Variants in ADGRL2 observed in about 807,000 individuals in gnomAD.
The protein encoded by ADGRL2 is calcium-independent alpha-latrotoxin receptor 2.
In ADGRL2, 44 loss-of-function variants were observed where a neutral mutation model predicts 157.4. The observed-to-expected ratio is 0.28, with a 90% CI of 0.22 to 0.36. The LOEUF is 0.36. Ranked by LOEUF, ADGRL2 falls within the 10% of genes least tolerant of loss-of-function variation. The pLI is 1.00. For missense variants in ADGRL2, 1,510 were observed against 1,768.9 expected (o/e 0.85, Z 2.63); for synonymous variants, 585 against 624.7 (o/e 0.94, Z 0.95).
rs201404468 is a variant in ADGRL2, at chr1:81,465,082, T to C, written c.-248+19993T>C. The stretch of plus-strand genomic sequence containing the variant: ...TGATACTGTGTTGTCGGTGGTCACA[T>C]ATTTCAGCTACGTTGTTTAGATCTA... On this transcript the variant is annotated intron_variant, in intron 2 of 24. Coordinates refer to the ADGRL2 transcript ENST00000370721. 2.1e-4 allele frequency among the ~76,000 whole-genome samples: 32 copies of C among 152,236 alleles called. No homozygotes were observed. In the East Asian group the frequency reaches 3.9e-3, roughly 18 times the overall value.
At chr1:81,876,080 T>C (rs2093832007) in intron 2 of ADGRL2, among the ~76,000 whole-genome samples, 1 of 152,206 alleles carries the variant, frequency 6.6e-6, no homozygotes, top group African/African-American at 2.4e-5. Context: ...TTGGACATTT[T>C]ACCAGAGTTA....
intron 3 of ADGRL2, among the ~76,000 whole-genome samples, chr1:81,590,555 C>T (rs2081112882): frequency 6.6e-6 from 1 of 152,106 alleles, no homozygotes; most frequent in African/African-American, 2.4e-5. Flanking sequence ...ACATGTCCTT[C>T]TATCCCTGGT....
intron 18 of ADGRL2, 58 bp downstream of exon 18, chr1:81,980,018 A>C (rs1661220642): frequency 3.4e-6 from 3 of 878,018 alleles, no homozygotes; most frequent in African/African-American, 3.4e-5. Context: ...GATACTCTCC[A>C]CAGGGAACAC....
chr1:81,581,493 T>A (rs10874254), intron 3 of ADGRL2, among the ~76,000 whole-genome samples: 10,137 of 152,202 alleles, frequency 0.067, 779 homozygotes, highest in East Asian at 0.31. Context: ...TCTTTACTAA[T>A]GTAAAAAGAT....
At chr1:81,505,284 A>G in intron 2 of ADGRL2, 2 of 533,406 alleles carry the variant, frequency 3.7e-6, no homozygotes, top group South Asian at 3.1e-5. Context: ...TGGGCAGAGA[A>G]GGGCATCTGG....
At chr1:81,711,321 G>T (rs576434471) in intron 1 of ADGRL2, among the ~76,000 whole-genome samples, 3 of 152,156 alleles carry the variant, frequency 2.0e-5, no homozygotes, top group Non-Finnish European at 4.4e-5. Flanking sequence ...ACCATCGTTT[G>T]TCTGTCAGTT....
At chr1:81,629,846 T>C (rs79579917) in intron 3 of ADGRL2, among the ~76,000 whole-genome samples, 19,139 of 151,934 alleles carry the variant, frequency 0.13, 1,660 homozygotes, top group Non-Finnish European at 0.18. Flanking sequence ...CTACCTCAGC[T>C]TGCCAACGTG....
chr1:81,939,998 A>G (rs1647295774), intron 4 of ADGRL2, among the ~76,000 whole-genome samples: 1 of 151,186 alleles, frequency 6.6e-6, no homozygotes, highest in Non-Finnish European at 1.5e-5. Context: ...ATTTATACTT[A>G]TTTTCCTTCA....
chr1:81,670,994 G>A (rs1465024721), intron 3 of ADGRL2, among the ~76,000 whole-genome samples: 1 of 152,238 alleles, frequency 6.6e-6, no homozygotes, highest in Admixed American at 6.5e-5. Flanking sequence ...ACAGGCTTGA[G>A]CCGTCACACC....
chr1:81,971,954 G>T (rs369555312), intron 17 of ADGRL2, 36 bp downstream of exon 17: 2 of 1,421,200 alleles, frequency 1.4e-6, no homozygotes, highest in Admixed American at 3.5e-5. Context: ...TTTTTAGCTT[G>T]CTGCTTTAGC....
Position 81,534,332 on chromosome 1 carries a change from T to G in ADGRL2, c.-247-46544T>G, listed in dbSNP as rs76239316. On this transcript the variant is annotated intron_variant, in intron 2 of 24. Coordinates refer to the ADGRL2 transcript ENST00000370721. ...ACGAGGCACCTTGCCTGGCTAATTT[T>G]TGTATTTTCGGTAGAGACGGGGTTT... Among the ~76,000 whole-genome samples the G allele has an allele frequency of 1.3e-3, 193 of 152,176 alleles. No homozygotes were observed. In the Middle Eastern group the frequency reaches 0.017, roughly 13 times the overall value.
At chr1:81,589,454 C>G (rs756940872) in intron 3 of ADGRL2, among the ~76,000 whole-genome samples, 1 of 152,154 alleles carries the variant, frequency 6.6e-6, no homozygotes, top group Non-Finnish European at 1.5e-5. Context: ...AAAAATAACA[C>G]ATTTGCCAGA....
chr1:81,835,117 G>A (rs1185337664), intron 1 of ADGRL2, among the ~76,000 whole-genome samples: 1 of 152,110 alleles, frequency 6.6e-6, no homozygotes, highest in African/African-American at 2.4e-5. Context: ...GACTGATCTT[G>A]GATCACTTTA....
At chr1:81,502,941 T>A in intron 2 of ADGRL2, 1 of 1,612,214 alleles carries the variant, frequency 6.2e-7, no homozygotes, top group East Asian at 2.2e-5. Flanking sequence ...CAGCAACCAC[T>A]CTCAGGAAAG....
intron 3 of ADGRL2, among the ~76,000 whole-genome samples, chr1:81,691,445 AT>A (rs1259843132): frequency 2.0e-5 from 3 of 152,110 alleles, no homozygotes; most frequent in Admixed American, 6.6e-5. Flanking sequence ...AATTCAGAGT[AT>A]TTTGATTGCA....
At chr1:81,571,413 A>G (rs941577041) in intron 2 of ADGRL2, among the ~76,000 whole-genome samples, 53 of 148,088 alleles carry the variant, frequency 3.6e-4, no homozygotes, top group African/African-American at 1.2e-3. Flanking sequence ...ATATGTATAT[A>G]TGTATATATA....
intron 3 of ADGRL2, among the ~76,000 whole-genome samples, chr1:81,674,487 C>T (rs1048049645): frequency 2.6e-5 from 4 of 152,150 alleles, no homozygotes; most frequent in African/African-American, 9.7e-5. Flanking sequence ...CACCGGTGCG[C>T]CCCCATGTCT....
At chr1:81,695,001 T>C (rs553536808), upstream of ADGRL2, among the ~76,000 whole-genome samples, 1 of 152,266 alleles carries the variant, frequency 6.6e-6, no homozygotes, top group Admixed American at 6.5e-5. Context: ...ACTAAGAACA[T>C]TTTAGGAATA....
intron 2 of ADGRL2, among the ~76,000 whole-genome samples, chr1:81,770,792 G>C (rs2086336979): frequency 6.6e-6 from 1 of 151,980 alleles, no homozygotes; most frequent in South Asian, 2.1e-4. Context: ...TTTTCAAAAA[G>C]GATTTATTCC....
Sources: gnomAD v4.1 joint callset for allele counts (sites outside exome capture counted in the v4.1 genomes callset) on GRCh38, gnomAD v4.1.1 for gene constraint, MANE v1.5 for transcripts, NCBI Gene and HGNC (gene_info 2026-07-23, HGNC 2026-07-21) for gene names.